Variants in SLC14A2 observed in about 807,000 individuals in gnomAD.
SLC14A2 encodes solute carrier family 14 member 2, also known as urea transporter 2.
Under a neutral mutation model 104.6 loss-of-function variants are expected in SLC14A2, and 91 were observed. That is an observed-to-expected ratio of 0.87 (90% confidence interval 0.73 to 1.04). The LOEUF (loss-of-function observed/expected upper bound fraction) is 1.04, where lower values mean the gene tolerates loss of function less well. Among genes scored for constraint, SLC14A2 ranks in the 50% least tolerant of loss-of-function variants. The pLI, the probability that SLC14A2 is intolerant of heterozygous loss-of-function variation, is 0.00. For missense variants in SLC14A2, 1,189 were observed against 1,156.0 expected (o/e 1.03, Z -0.41); for synonymous variants, 476 against 466.4 (o/e 1.02, Z -0.27).
At chr18:45,424,970 G>C (rs936903159) in intron 1 of SLC14A2, among the ~76,000 whole-genome samples, 1 of 152,196 alleles carries the variant, frequency 6.6e-6, no homozygotes, top group Non-Finnish European at 1.5e-5. Flanking sequence ...AAACTGAAGA[G>C]ATTTTCCCTG....
chr18:45,545,156 T>C (rs2043951039), intron 2 of SLC14A2, among the ~76,000 whole-genome samples: 1 of 152,250 alleles, frequency 6.6e-6, no homozygotes, highest in African/African-American at 2.4e-5. Context: ...ACTTTCAAGC[T>C]AAACACCATC....
At chr18:45,254,920 C>T (rs1249363850) in intron 1 of SLC14A2, among the ~76,000 whole-genome samples, 1 of 152,136 alleles carries the variant, frequency 6.6e-6, no homozygotes, top group Non-Finnish European at 1.5e-5. Flanking sequence ...GCCTGGGCAG[C>T]CGCCCACATT....
At chr18:45,195,311 T>C in the SLC14A2 span, among the ~76,000 whole-genome samples, 468 of 152,370 alleles carry the variant, frequency 3.1e-3, 4 homozygotes, top group Non-Finnish European at 5.1e-3. Flanking sequence ...AAACAGTTCC[T>C]TATCAAATGT....
chr18:45,673,508 T>C (rs1273914350), intron 17 of SLC14A2, among the ~76,000 whole-genome samples, 175 bp from the exon 18 acceptor site: 1 of 152,216 alleles, frequency 6.6e-6, no homozygotes, highest in African/African-American at 2.4e-5. Context: ...TGGGACTCTA[T>C]GGCCATTTGT....
chr18:45,374,371 G>A (rs2085752605), intron 1 of SLC14A2, among the ~76,000 whole-genome samples: 1 of 152,208 alleles, frequency 6.6e-6, no homozygotes, highest in Non-Finnish European at 1.5e-5. Context: ...CAACTGTGAT[G>A]TCTGTGGGCC....
At chr18:45,270,441 T>G (rs572346519) in intron 1 of SLC14A2, among the ~76,000 whole-genome samples, 1 of 152,274 alleles carries the variant, frequency 6.6e-6, no homozygotes, top group South Asian at 2.1e-4. Context: ...TTCTTCCTGG[T>G]GCTGCATGCT....
At chr18:45,625,253 C>T (rs144125110) in intron 2 of SLC14A2, among the ~76,000 whole-genome samples, 1 of 152,224 alleles carries the variant, frequency 6.6e-6, no homozygotes, top group East Asian at 1.9e-4. Context: ...TGAGGAGGTC[C>T]CATATCTTTA....
chr18:45,543,381 C>T (rs1226564145), intron 2 of SLC14A2, among the ~76,000 whole-genome samples: 1 of 152,008 alleles, frequency 6.6e-6, no homozygotes, highest in Admixed American at 6.5e-5. Context: ...TTTAAATACA[C>T]ATCAAAATAG....
intron 1 of SLC14A2, among the ~76,000 whole-genome samples, chr18:45,424,382 G>C (rs151038813): frequency 6.6e-6 from 1 of 152,362 alleles, no homozygotes; most frequent in Non-Finnish European, 1.5e-5. Context: ...GTGCCTGTGG[G>C]AGATGGTGAG....
intron 1 of SLC14A2, among the ~76,000 whole-genome samples, chr18:45,372,724 G>A (rs116808541): frequency 1.1e-4 from 16 of 152,282 alleles, no homozygotes; most frequent in African/African-American, 3.6e-4. Context: ...ACCTAAGGTA[G>A]CCAGGATCTA....
chr18:45,673,196 C>A, intron 17 of SLC14A2, 149 bp downstream of exon 17: 1 of 788,734 alleles, frequency 1.3e-6, no homozygotes, highest in Non-Finnish European at 2.0e-6. Context: ...CGTTTTTGAT[C>A]TAGCCCCTTT....
intron 1 of SLC14A2, among the ~76,000 whole-genome samples, chr18:45,473,277 T>C (rs1277913737): frequency 5.3e-5 from 8 of 152,248 alleles, no homozygotes; most frequent in Non-Finnish European, 1.0e-4. Context: ...TTGGTTACTG[T>C]AGCGTTGTAG....
At chr18:45,364,191 C>A (rs1428086248) in intron 1 of SLC14A2, among the ~76,000 whole-genome samples, 1 of 152,202 alleles carries the variant, frequency 6.6e-6, no homozygotes, top group Non-Finnish European at 1.5e-5. Context: ...TTATTCCCTG[C>A]TCTAGATGGC....
chr18:45,649,231 TGAA>T (rs1227040570), intron 10 of SLC14A2, among the ~76,000 whole-genome samples: 1 of 152,106 alleles, frequency 6.6e-6, no homozygotes, highest in Non-Finnish European at 1.5e-5. Context: ...AAAAACAAGA[TGAA>T]AAATACTTTT....
chr18:45,339,569 AACACACACACAC>A (rs138097851), intron 1 of SLC14A2, among the ~76,000 whole-genome samples: 1 of 150,996 alleles, frequency 6.6e-6, no homozygotes, highest in Non-Finnish European at 1.5e-5. Flanking sequence ...CACACACACA[AACACACACACAC>A]ACACATTCAT....
chr18:45,399,883 C>G (rs12962964), intron 1 of SLC14A2, among the ~76,000 whole-genome samples: 57,601 of 151,856 alleles, frequency 0.38, 13,195 homozygotes, highest in Non-Finnish European at 0.51. Flanking sequence ...CCTCTTCCTT[C>G]TTTTCTTCTT....
chr18:45,586,541 T>G (rs1244220700), intron 2 of SLC14A2, among the ~76,000 whole-genome samples: 1 of 152,208 alleles, frequency 6.6e-6, no homozygotes, highest in Non-Finnish European at 1.5e-5. Context: ...TGGAGAATAT[T>G]CTGCAGGGGA....
chr18:45,238,021 C>T (rs2084273361), intron 1 of SLC14A2, among the ~76,000 whole-genome samples: 1 of 152,094 alleles, frequency 6.6e-6, no homozygotes, highest in African/African-American at 2.4e-5. Context: ...TTTGAAATAC[C>T]AGATTCCACC....
intron 1 of SLC14A2, among the ~76,000 whole-genome samples, chr18:45,320,394 C>T (rs1353236901): frequency 3.3e-5 from 5 of 152,182 alleles, no homozygotes; most frequent in Non-Finnish European, 7.3e-5. Context: ...GTCACAAAAC[C>T]CAAACTCGTC....
Sources: gnomAD v4.1 joint callset for allele counts (sites outside exome capture counted in the v4.1 genomes callset) on GRCh38, gnomAD v4.1.1 for gene constraint, MANE v1.5 for transcripts, NCBI Gene and HGNC (gene_info 2026-07-23, HGNC 2026-07-21) for gene names.